TBCE: variants seen among roughly 807,000 people sequenced by gnomAD.
TBCE encodes tubulin-specific chaperone E.
TBCE carries 53 observed loss-of-function variants against 77.0 expected under a neutral mutation model. The ratio of observed to expected loss-of-function variants is 0.69; its 90% CI spans 0.55 to 0.87. TBCE has a LOEUF of 0.87. TBCE is among the 40% of genes least tolerant of loss of function. The pLI is 0.00. For missense variants in TBCE, 624 were observed against 622.4 expected (o/e 1.00, Z -0.03); for synonymous variants, 235 against 241.3 (o/e 0.97, Z 0.24).
chr1:235,434,080 T>G (rs1681270400), intron 7 of TBCE, 124 bp from the exon 8 acceptor site: 1 of 850,394 alleles, frequency 1.2e-6, no homozygotes, highest in African/African-American at 1.6e-5. Context: ...TCTTATGAAC[T>G]GTCCGTGAGG....
intron 5 of TBCE, among the ~76,000 whole-genome samples, chr1:235,426,935 C>T (rs527940500): frequency 1.3e-5 from 2 of 152,312 alleles, no homozygotes; most frequent in South Asian, 2.1e-4. Flanking sequence ...CGTGAGCCAC[C>T]GCGCCTGGCC....
At chr1:235,407,347 A>G (rs1408100325) in intron 3 of TBCE, among the ~76,000 whole-genome samples, 1 of 151,988 alleles carries the variant, frequency 6.6e-6, no homozygotes, top group East Asian at 1.9e-4. Context: ...CGGCCTCCCA[A>G]AGTGCTGGGA....
intron 1 of TBCE, among the ~76,000 whole-genome samples, chr1:235,373,730 G>A (rs1008332893): frequency 6.0e-5 from 9 of 151,052 alleles, no homozygotes; most frequent in Non-Finnish European, 1.0e-4. Flanking sequence ...CTCACTGCAA[G>A]CTCCGCCTCC....
At chr1:235,369,846 A>G (rs1350702801) in intron 1 of TBCE, among the ~76,000 whole-genome samples, 1 of 151,996 alleles carries the variant, frequency 6.6e-6, no homozygotes, top group Admixed American at 6.6e-5. Context: ...AAAAAAAAAA[A>G]AGCCGAAGTC....
intron 7 of TBCE, chr1:235,433,917 C>T: frequency 2.0e-6 from 1 of 488,264 alleles, no homozygotes; most frequent in Non-Finnish European, 3.7e-6. Context: ...TTAGTATCTC[C>T]TGTTCCACCT....
intron 5 of TBCE, 127 bp downstream of exon 5, chr1:235,419,688 C>A: frequency 7.4e-7 from 1 of 1,353,138 alleles, no homozygotes; most frequent in Non-Finnish European, 1.0e-6. Context: ...TTCAGTTTTG[C>A]TTGGTGTAGT....
rs1278747538 is a variant in TBCE at position 235,384,454 on chromosome 1, T to G, written c.100+4305T>G. 4.8e-5 allele frequency among the ~76,000 whole-genome samples: 7 copies of G among 145,190 alleles called. No individual in the cohort carries two copies. The Admixed American group carries it at 4.9e-4, about 10-fold the overall frequency. On this transcript the variant is annotated intron_variant, in intron 2 of 16. Coordinates refer to ENST00000642610, the MANE Select transcript of TBCE (RefSeq NM_003193.5). ...GTGAATCCATCTGGTCCTGGACTCT[T>G]TTTGGTTGGTAAGCTATTGATTATT... is the stretch of plus-strand genomic sequence containing the variant.
Position 235,419,073 on chromosome 1 carries a change from A to G in TBCE, c.372-400A>G, listed in dbSNP as rs149588837. The G allele has an allele frequency of 0.013, 3,963 of 295,024 alleles. 40 individuals carry two copies. The highest frequency in any genetic ancestry group is 0.028 in the African/African-American group (1,296 of 45,764). The allele number at this position is 295,024 out of a possible 1,614,324, so 18.3% of individuals were successfully genotyped here. The stretch of plus-strand genomic sequence containing the variant: ...AACACAAAAATTAGCCAGGTGTGGT[A>G]GCAAGCGCCTGTAATCCCAGCTACT... On this transcript the variant is annotated intron_variant, in intron 4 of 16. Transcript: ENST00000642610.
At chr1:235,445,795 C>T (rs1682222228) in intron 15 of TBCE, among the ~76,000 whole-genome samples, 1 of 152,002 alleles carries the variant, frequency 6.6e-6, no homozygotes. Flanking sequence ...ATGCTCTGAC[C>T]AAGCATTGTA....
rs775486249 is a variant in TBCE at position 235,430,793 on chromosome 1, A to G, written c.649A>G (p.Thr217Ala). The change falls in exon 7 of 17, where the codon ACG becomes GCG. Residue 217 changes from threonine (T) to alanine (A), a missense_variant. Transcript: ENST00000642610. ...KVLVLNQTGITWAEVLRCVAG... is the reference protein window; with the variant it reads ...KVLVLNQTGIAWAEVLRCVAG... ...TTTAGTCCTCAATCAAACAGGAATA[A>G]CGTGGGCTGAGGTAATCATATTTCT... 9.3e-6 allele frequency: 15 copies of G among 1,613,354 alleles called. No individual in the cohort carries two copies. Among genetic ancestry groups the G allele is most frequent in the Non-Finnish European group, 1.1e-5 (13 of 1,179,428 alleles).
At chr1:235,437,668 T>G (rs1183551970) in intron 12 of TBCE, among the ~76,000 whole-genome samples, 194 bp downstream of exon 12, 1 of 151,592 alleles carries the variant, frequency 6.6e-6, no homozygotes, top group South Asian at 2.1e-4. Flanking sequence ...AAAAATTAGC[T>G]GCATGGTGGC....
At chr1:235,380,781 T>C (rs1677588318) in intron 2 of TBCE, among the ~76,000 whole-genome samples, 1 of 152,126 alleles carries the variant, frequency 6.6e-6, no homozygotes, top group Admixed American at 6.6e-5. Context: ...CAACAAAAAT[T>C]TGACTGTTTT....
chr1:235,414,491 C>A lies in TBCE; in HGVS notation c.244C>A (p.Leu82Ile), dbSNP rs542328397. ...CAAGGTAAATTTTGGAACAGACTTTCTTACTGCAATTAAGAACCGCTATGT... is the reference window on the plus strand; with the variant it reads ...CAAGGTAAATTTTGGAACAGACTTTATTACTGCAATTAAGAACCGCTATGT... ...PNKVNFGTDF[L>I]TAIKNRYVLE... Residue 82 changes from leucine to isoleucine, a missense_variant, in exon 4 of 17, where the codon CTT becomes ATT. By Grantham distance (5) the Leu-to-Ile change is conservative. Transcript: ENST00000642610. 4 of 1,613,750 alleles carry A rather than the reference C, an allele frequency of 2.5e-6. No individual in the cohort carries two copies. The African/African-American group carries it at 4.0e-5, about 16-fold the overall frequency.
At chr1:235,446,932 C>T (rs947996450) in intron 15 of TBCE, among the ~76,000 whole-genome samples, 5 of 152,124 alleles carry the variant, frequency 3.3e-5, no homozygotes. Flanking sequence ...CCCTCTGCCT[C>T]CCAAAGTGCT....
chr1:235,434,152 G>A, intron 7 of TBCE, 52 bp from the exon 8 acceptor site: 1 of 1,543,296 alleles, frequency 6.5e-7, no homozygotes, highest in Non-Finnish European at 9.0e-7. Flanking sequence ...GAACACCCGG[G>A]AAGAAACAGC....
At chr1:235,446,837 G>A (rs1007555831) in intron 15 of TBCE, among the ~76,000 whole-genome samples, 1 of 151,612 alleles carries the variant, frequency 6.6e-6, no homozygotes, top group African/African-American at 2.4e-5. Flanking sequence ...GGCGTACATC[G>A]CTATGCTTGG....
chr1:235,411,675 A>C (rs2102876220), intron 3 of TBCE, among the ~76,000 whole-genome samples: 1 of 152,334 alleles, frequency 6.6e-6, no homozygotes, highest in South Asian at 2.1e-4. Flanking sequence ...AGACATGTTT[A>C]ACTTACAGAA....
chr1:235,447,401 AT>A (rs1449852345), intron 15 of TBCE, among the ~76,000 whole-genome samples: 1 of 152,218 alleles, frequency 6.6e-6, no homozygotes, highest in Non-Finnish European at 1.5e-5. Flanking sequence ...AATATCCACT[AT>A]TTACCACAAC....
chr1:235,401,460 G>T lies in TBCE; in HGVS notation c.101-43G>T, dbSNP rs769509008. Reference sequence around the variant, plus strand: ...CTTGCAGAAAACTGGAGCATTGCCTGTATCATCATCTGTTACTCATTTGGT... The same window carrying T: ...CTTGCAGAAAACTGGAGCATTGCCTTTATCATCATCTGTTACTCATTTGGT... On this transcript the variant is annotated intron_variant, in intron 2 of 16. Transcript: ENST00000642610. The T allele has an allele frequency of 3.9e-6, 6 of 1,540,930 alleles. No individual in the cohort carries two copies. The Admixed American group carries it at 5.0e-5, about 13-fold the overall frequency.
Sources: gnomAD v4.1 joint callset for allele counts (sites outside exome capture counted in the v4.1 genomes callset) on GRCh38, gnomAD v4.1.1 for gene constraint, MANE v1.5 for transcripts, NCBI Gene and HGNC (gene_info 2026-07-23, HGNC 2026-07-21) for gene names.